The following SH3GL2 variants were observed in gnomAD, a reference collection of about 807,000 sequenced individuals.
SH3GL2 encodes the protein SH3 domain containing GRB2 like 2, endophilin A1.
A neutral mutation model predicts 46.0 loss-of-function variants in SH3GL2; 24 were observed. The observed-to-expected ratio is 0.52, with a 90% CI of 0.38 to 0.73. The LOEUF is 0.73. Ranked by LOEUF, SH3GL2 falls within the 30% of genes least tolerant of loss-of-function variation. The probability of loss-of-function intolerance (pLI) is 0.00; values close to 1 mark genes in which losing one functional copy is unlikely to be tolerated. For missense variants in SH3GL2, 413 were observed against 424.2 expected, an observed-to-expected ratio of 0.97 and a Z score of 0.23; for synonymous variants, 196 against 147.1, an observed-to-expected ratio of 1.33 and a Z score of -2.40.
Position 17,738,626 on chromosome 9 carries a change from T to TTTTTTA in SH3GL2, c.46-8439_46-8438insTTTTAT, listed in dbSNP as rs58272546. Among the ~76,000 whole-genome samples the TTTTTTA allele has an allele frequency of 9.4e-5, 7 of 74,814 alleles. No homozygotes were observed. The South Asian group carries it at 3.8e-3, about 41-fold the overall frequency. The allele number at this position is 74,814 out of a possible 152,430, so 49.1% of individuals were successfully genotyped here. On this transcript the variant is annotated intron_variant, in intron 1 of 8. Coordinates refer to ENST00000380607, the MANE Select transcript of SH3GL2 (RefSeq NM_003026.5). ...TTTCAAGGAATTGCCTCATGTGATT[T>TTTTTTA]TATATATATATATATAGAGAGAGAG...
At chr9:17,739,267 GC>G (rs1822453448) in intron 1 of SH3GL2, among the ~76,000 whole-genome samples, 5 of 151,984 alleles carry the variant, frequency 3.3e-5, no homozygotes, top group Admixed American at 3.3e-4. Flanking sequence ...TTATTAACCA[GC>G]TCAGAAATCC....
chr9:17,605,907 C>G (rs1299775007), intron 1 of SH3GL2, among the ~76,000 whole-genome samples: 1 of 152,082 alleles, frequency 6.6e-6, no homozygotes, highest in African/African-American at 2.4e-5. Context: ...TGTATGGGGC[C>G]CAGGCAGTAA....
intron 1 of SH3GL2, among the ~76,000 whole-genome samples, chr9:17,721,190 C>T (rs1821886084): frequency 6.6e-6 from 1 of 152,072 alleles, no homozygotes; most frequent in East Asian, 1.9e-4. Context: ...AGAAGTGGAC[C>T]CACCCACTCC....
Position 17,605,437 on chromosome 9 carries a change from A to G in SH3GL2, c.45+26150A>G, listed in dbSNP as rs539230712. 3.3e-5 allele frequency among the ~76,000 whole-genome samples: 5 copies of G among 152,206 alleles called. No individual in the cohort carries two copies. In the East Asian group the frequency reaches 5.8e-4, roughly 18 times the overall value. ...GGGAGGTCATTTGTGCTCAAGAAAA[A>G]TTCATCTAGCAGGTATGTATTGAGA... On this transcript the variant is annotated intron_variant, in intron 1 of 8. Coordinates refer to ENST00000380607, the MANE Select transcript of SH3GL2 (RefSeq NM_003026.5).
At chr9:17,616,475 G>C (rs1460394725) in intron 1 of SH3GL2, among the ~76,000 whole-genome samples, 1 of 152,102 alleles carries the variant, frequency 6.6e-6, no homozygotes, top group Non-Finnish European at 1.5e-5. Flanking sequence ...ATGAAGGAAG[G>C]TGGTGTACTT....
chr9:17,795,189 T>C (rs1373679722), intron 8 of SH3GL2, among the ~76,000 whole-genome samples: 1 of 152,250 alleles, frequency 6.6e-6, no homozygotes, highest in Admixed American at 6.5e-5. Context: ...CATTATATTC[T>C]TCTTAAGTCA....
intron 1 of SH3GL2, among the ~76,000 whole-genome samples, chr9:17,712,838 A>ACCAG (rs1821663089): frequency 7.0e-6 from 1 of 142,608 alleles, no homozygotes; most frequent in African/African-American, 2.7e-5. Flanking sequence ...CATCCATCCA[A>ACCAG]CCACCCACCC....
intron 1 of SH3GL2, among the ~76,000 whole-genome samples, chr9:17,725,237 G>C (rs1821991646): frequency 6.6e-6 from 1 of 152,060 alleles, no homozygotes; most frequent in Non-Finnish European, 1.5e-5. Flanking sequence ...TTTCAAGTCT[G>C]TTCCACATTC....
At chr9:17,646,425 G>C (rs1265294365) in intron 1 of SH3GL2, among the ~76,000 whole-genome samples, 1 of 152,036 alleles carries the variant, frequency 6.6e-6, no homozygotes, top group Non-Finnish European at 1.5e-5. Context: ...TGCTGGCAAG[G>C]AGTTGTGATC....
intron 1 of SH3GL2, among the ~76,000 whole-genome samples, chr9:17,677,687 T>A (rs1385260591): frequency 6.6e-6 from 1 of 151,998 alleles, no homozygotes; most frequent in Admixed American, 6.6e-5. Flanking sequence ...CGTGCAGGTT[T>A]GTTACATATG....
intron 1 of SH3GL2, among the ~76,000 whole-genome samples, chr9:17,600,556 A>G (rs906105766): frequency 2.0e-5 from 3 of 152,234 alleles, no homozygotes; most frequent in Non-Finnish European, 4.4e-5. Context: ...ATTCAGCTGC[A>G]TAATGTTGCT....
intron 5 of SH3GL2, among the ~76,000 whole-genome samples, chr9:17,788,250 G>A (rs182712271): frequency 3.9e-5 from 6 of 152,228 alleles, no homozygotes; most frequent in Admixed American, 1.3e-4. Flanking sequence ...TATAGAGTTA[G>A]TAAGTGACAG....
chr9:17,586,921 A>T (rs73418624), intron 1 of SH3GL2, among the ~76,000 whole-genome samples: 2,076 of 152,328 alleles, frequency 0.014, 44 homozygotes, highest in African/African-American at 0.048. Context: ...ACGTACAGGA[A>T]ATCGGCTGGG....
At chr9:17,751,314 A>G (rs1822835633) in intron 2 of SH3GL2, among the ~76,000 whole-genome samples, 1 of 152,154 alleles carries the variant, frequency 6.6e-6, no homozygotes. Flanking sequence ...CATTATCTTC[A>G]TACACTCAGT....
intron 1 of SH3GL2, among the ~76,000 whole-genome samples, chr9:17,652,214 T>A (rs1351707908): frequency 6.6e-6 from 1 of 152,172 alleles, no homozygotes; most frequent in East Asian, 1.9e-4. Flanking sequence ...CTGTTGTTAC[T>A]GTTTTAGGTG....
chr9:17,771,321 T>G (rs1823473987), intron 3 of SH3GL2, among the ~76,000 whole-genome samples: 2 of 152,152 alleles, frequency 1.3e-5, no homozygotes, highest in African/African-American at 4.8e-5. Flanking sequence ...TTTTGAAACA[T>G]GATAGCAAAG....
chr9:17,630,063 A>G (rs946730095), intron 1 of SH3GL2, among the ~76,000 whole-genome samples: 6 of 152,184 alleles, frequency 3.9e-5, no homozygotes, highest in Non-Finnish European at 7.3e-5. Flanking sequence ...AGTGACTCTC[A>G]AATTTAAGCT....
At chr9:17,601,123 A>G (rs1818660767) in intron 1 of SH3GL2, among the ~76,000 whole-genome samples, 1 of 152,126 alleles carries the variant, frequency 6.6e-6, no homozygotes, top group African/African-American at 2.4e-5. Context: ...GCTTTTTTGC[A>G]GTGCTCAACG....
At chr9:17,654,476 G>A (rs979636581) in intron 1 of SH3GL2, among the ~76,000 whole-genome samples, 3 of 152,146 alleles carry the variant, frequency 2.0e-5, no homozygotes, top group Non-Finnish European at 4.4e-5. Flanking sequence ...CTAGACCATT[G>A]AGAGTTTTGA....
Sources: allele counts gnomAD v4.1 joint callset (sites outside exome capture counted in the v4.1 genomes callset), GRCh38; gene constraint gnomAD v4.1.1; transcripts MANE v1.5; gene names NCBI Gene and HGNC (gene_info 2026-07-23, HGNC 2026-07-21).